ZFYVE26: variants seen among roughly 807,000 people sequenced by gnomAD.
The protein encoded by ZFYVE26 is zinc finger FYVE domain-containing protein 26.
In ZFYVE26, 181 loss-of-function variants were observed where a neutral mutation model predicts 276.5. That is an observed-to-expected ratio of 0.65 (90% CI 0.58 to 0.74). The LOEUF (loss-of-function observed/expected upper bound fraction) is 0.74. Among genes scored for constraint, ZFYVE26 ranks in the 30% least tolerant of loss-of-function variants. The probability of loss-of-function intolerance (pLI) is 0.00; values close to 1 mark genes in which losing one functional copy is unlikely to be tolerated. For missense variants in ZFYVE26, 2,821 were observed against 3,097.9 expected (o/e 0.91, Z 2.12); for synonymous variants, 1,129 against 1,203.1 (o/e 0.94, Z 1.27).
At position 67,790,518 on chromosome 14, in the gene ZFYVE26, T is replaced by C. The variant is rs556349505; in HGVS notation, c.2755+54A>G. 34 of 1,592,134 alleles carry C rather than the reference T, an allele frequency of 2.1e-5. No homozygotes were observed. The East Asian group carries it at 7.4e-4, about 35-fold the overall frequency. On this transcript the variant is annotated intron_variant, in intron 15 of 41. Coordinates refer to ENST00000347230, the MANE Select transcript of ZFYVE26 (RefSeq NM_015346.4). Reference sequence around the variant, plus strand: ...TAGGATTTTAGTGGTTTCTCCCCTTTTACCCCCTCTCCCAGCCACCTCACC... The same window carrying C: ...TAGGATTTTAGTGGTTTCTCCCCTTCTACCCCCTCTCCCAGCCACCTCACC...
intron 35 of ZFYVE26, among the ~76,000 whole-genome samples, chr14:67,756,907 A>G (rs1257818883): frequency 2.0e-5 from 3 of 152,178 alleles, no homozygotes; most frequent in Admixed American, 2.0e-4. Flanking sequence ...AACTGAATAC[A>G]TCTACAACTA....
intron 25 of ZFYVE26, among the ~76,000 whole-genome samples, chr14:67,776,860 T>C (rs997465914): frequency 3.3e-5 from 5 of 152,262 alleles, no homozygotes; most frequent in African/African-American, 1.2e-4. Flanking sequence ...TTTATGGCTC[T>C]CTTAGCACTC....
At chr14:67,801,502 T>A (rs1705854980) in intron 10 of ZFYVE26, among the ~76,000 whole-genome samples, 1 of 152,184 alleles carries the variant, frequency 6.6e-6, no homozygotes, top group South Asian at 2.1e-4. Context: ...GGTAAAGATC[T>A]ATTCCAAAGC....
chr14:67,740,223 T>C (rs2038400008), intron 13 of ZFYVE26, among the ~76,000 whole-genome samples: 1 of 152,250 alleles, frequency 6.6e-6, no homozygotes, highest in Non-Finnish European at 1.5e-5. Flanking sequence ...TATAGTCATC[T>C]AATAATTTAT....
At chr14:67,759,789 T>C (rs2038886791) in intron 35 of ZFYVE26, among the ~76,000 whole-genome samples, 2 of 152,142 alleles carry the variant, frequency 1.3e-5, no homozygotes, top group Non-Finnish European at 2.9e-5. Flanking sequence ...GTTCTTCCTA[T>C]GGCCATGGAG....
At position 67,789,539 on chromosome 14, in the gene ZFYVE26, G is replaced by A; in HGVS notation, c.2815C>T (p.Pro939Ser). 5 of 1,614,092 alleles carry A rather than the reference G, an allele frequency of 3.1e-6. No homozygotes were observed. The highest frequency in any genetic ancestry group is 4.2e-6 in the Non-Finnish European group (5 of 1,180,026). Residue 939 changes from proline (P) to serine (S), a missense_variant, in exon 16 of 42, where the codon CCC becomes TCC. Coordinates refer to ENST00000347230, the MANE Select transcript of ZFYVE26 (RefSeq NM_015346.4). ...TDKLLNTSGD[P>S]IPMLQEDFWI... The stretch of plus-strand genomic sequence containing the variant: ...AAGTCCTCCTGGAGCATGGGGATGG[G>A]GTCTCCAGAGGTGTTGAGCAGCTTG...
Position 67,785,850 on chromosome 14 carries a change from C to T in ZFYVE26, c.3304+8G>A, listed in dbSNP as rs750205035. On this transcript the variant is annotated splice_region_variant and intron_variant, in intron 18 of 41. Transcript: ENST00000347230. ...CTTTTATTTGTTCCCAAGCAGACAG[C>T]CTTATACCTGGCAGCTCTAGTGCCT... 3 of 1,613,948 alleles carry T rather than the reference C, an allele frequency of 1.9e-6. No individual in the cohort carries two copies. Among genetic ancestry groups the T allele is most frequent in the Admixed American group, 1.7e-5 (1 of 60,000 alleles).
Position 67,798,378 on chromosome 14 carries a change from C to A in ZFYVE26, c.1884G>T (p.Arg628Ser), listed in dbSNP as rs762527933. Reference protein sequence around the residue: ...ESPQHIAHPERKSERGSLGVP... With the variant: ...ESPQHIAHPESKSERGSLGVP... The stretch of plus-strand genomic sequence containing the variant: ...CTCCCAGGGAACCCCGTTCTGACTT[C>A]CTTTCAGGATGTGCTATGTGCTGAG... Residue 628 changes from arginine to serine, a missense_variant, in exon 11 of 42, where the codon AGG becomes AGT. Physicochemically the swap from Arg to Ser is moderately radical, Grantham distance 110. Transcript: ENST00000347230. 6.2e-7 allele frequency: 1 copy of A among 1,610,294 alleles called. No individual in the cohort carries two copies. Among genetic ancestry groups the A allele is most frequent in the Non-Finnish European group, 8.5e-7 (1 of 1,177,690 alleles).
At chr14:67,806,905 A>G (rs1001216246) in intron 5 of ZFYVE26, among the ~76,000 whole-genome samples, 4 of 152,010 alleles carry the variant, frequency 2.6e-5, no homozygotes, top group Non-Finnish European at 4.4e-5. Context: ...CAACACCTCT[A>G]TCTTACACTA....
chr14:67,808,428 C>T (rs1013569182), intron 4 of ZFYVE26, among the ~76,000 whole-genome samples: 1 of 152,198 alleles, frequency 6.6e-6, no homozygotes, highest in African/African-American at 2.4e-5. Context: ...CCAACCCATA[C>T]AACTTCAATG....
Position 67,757,681 on chromosome 14 carries a change from TCTCTCTCTCTTTC to T in ZFYVE26, c.6589-1549_6589-1537del, listed in dbSNP as rs762753012. Among the ~76,000 whole-genome samples, 7 of 145,422 alleles carry T rather than the reference TCTCTCTCTCTTTC, an allele frequency of 4.8e-5. No individual in the cohort carries two copies. The East Asian group carries it at 9.9e-4, about 21-fold the overall frequency. On this transcript the variant is annotated intron_variant, in intron 35 of 41. Transcript: ENST00000347230. Reference sequence around the variant, plus strand: ...TTCTTTCTTTCTTTCTTTCTTTCTTTCTCTCTCTCTTTCCTTTCTTTCTCTCTCTCTTTCTTTC... The same window carrying T: ...TTCTTTCTTTCTTTCTTTCTTTCTTTCTTTCTTTCTCTCTCTCTTTCTTTC...
chr14:67,802,370 C>T lies in ZFYVE26; in HGVS notation c.1436-88G>A, dbSNP rs368568729. The T allele has an allele frequency of 1.5e-5, 20 of 1,334,468 alleles. No homozygotes were observed. The East Asian group carries it at 1.9e-4, about 12-fold the overall frequency. 82.7% of individuals were successfully genotyped at this position (1,334,468 alleles called of 1,614,324 possible). ...TGAAGCAAAGAGATGCTGTGCCATACTTAGAGGTCCACTTGTAGGTTCTTA... is the reference window on the plus strand; with the variant it reads ...TGAAGCAAAGAGATGCTGTGCCATATTTAGAGGTCCACTTGTAGGTTCTTA... On this transcript the variant is annotated intron_variant, in intron 9 of 41. Transcript: ENST00000347230.
rs746914031 is a variant in ZFYVE26, at chr14:67,762,269, A to G, written c.6303T>C (p.His2101=). 3 of 1,614,052 alleles carry G rather than the reference A, an allele frequency of 1.9e-6. No individual in the cohort carries two copies. Among genetic ancestry groups the G allele is most frequent in the Non-Finnish European group, 8.5e-7 (1 of 1,180,032 alleles). ...KPPFDLNQLN[H]GSRLVQDVVE... ...CCACATCCTGCACCAGCCTTGAGCC[A>G]TGATTCAGCTGATTGAGGTCAAATG... The change falls in exon 34 of 42, where the codon CAT becomes CAC. Residue 2101 remains histidine (H), a synonymous_variant. Transcript: ENST00000347230.
chr14:67,807,421 G>A lies in ZFYVE26; in HGVS notation c.863C>T (p.Pro288Leu), dbSNP rs369243775. The A allele has an allele frequency of 4.2e-5, 67 of 1,614,156 alleles. No homozygotes were observed. Among genetic ancestry groups the A allele is most frequent in the African/African-American group, 2.5e-4 (19 of 75,040 alleles). ...ACCTTTTCCCGAGGCTGTAGCCCTC[G>A]GTGGCTTTTCTGTGACCTTCTCTGC... is the stretch of plus-strand genomic sequence containing the variant. ...TYAEKVTEKP[P>L]RATASGKVSP... The change falls in exon 5 of 42, where the codon CCG becomes CTG. Residue 288 changes from proline to leucine, a missense_variant. Pro to Leu is a moderately conservative substitution (Grantham distance 98). Coordinates refer to ENST00000347230, the MANE Select transcript of ZFYVE26 (RefSeq NM_015346.4).
chr14:67,775,292 G>T (rs980402631), intron 26 of ZFYVE26, among the ~76,000 whole-genome samples, 178 bp from the exon 27 acceptor site: 1 of 152,144 alleles, frequency 6.6e-6, no homozygotes, highest in African/African-American at 2.4e-5. Context: ...TTTCTTAAAC[G>T]CCTCGAAAAA....
At chr14:67,801,952 C>A in intron 10 of ZFYVE26, 127 bp downstream of exon 10, 1 of 1,031,334 alleles carries the variant, frequency 9.7e-7, no homozygotes, top group Non-Finnish European at 1.5e-6. Flanking sequence ...ATGAAACTAT[C>A]CCTGGGTGAA....
rs151075705 is a variant in ZFYVE26, at chr14:67,739,675, T to C, written n.2680-9856A>G. On this transcript the variant is annotated intron_variant and non_coding_transcript_variant, in intron 13 of 14. Transcript: ENST00000394455. The stretch of plus-strand genomic sequence containing the variant: ...CCCAAGTTCTGTCATCTTCCATTGA[T>C]TTCTGAATATGACAGATATCCATGG... Among the ~76,000 whole-genome samples the C allele has an allele frequency of 4.8e-3, 726 of 152,306 alleles. 8 individuals are homozygous for C. The highest frequency in any genetic ancestry group is 0.016 in the African/African-American group (678 of 41,570).
At chr14:67,792,343 T>C (rs1056803291) in intron 14 of ZFYVE26, among the ~76,000 whole-genome samples, 1 of 152,084 alleles carries the variant, frequency 6.6e-6, no homozygotes, top group African/African-American at 2.4e-5. Flanking sequence ...ATTAGAAGAG[T>C]ACTATTTTAT....
chr14:67,789,924 T>C (rs1223301629), intron 15 of ZFYVE26, among the ~76,000 whole-genome samples: 3 of 152,216 alleles, frequency 2.0e-5, no homozygotes, highest in Non-Finnish European at 4.4e-5. Context: ...AGGTAGACTA[T>C]AGTATTGTCC....
Sources: allele counts gnomAD v4.1 joint callset (sites outside exome capture counted in the v4.1 genomes callset), GRCh38; gene constraint gnomAD v4.1.1; transcripts MANE v1.5; gene names NCBI Gene and HGNC (gene_info 2026-07-23, HGNC 2026-07-21).